The following RAB11FIP5 variants were observed in gnomAD, a reference collection of about 807,000 sequenced individuals.
RAB11FIP5 encodes the protein RAB11 family interacting protein 5.
RAB11FIP5 carries 48 observed loss-of-function variants against 85.1 expected under a neutral mutation model. The observed-to-expected ratio is 0.56, with a 90% CI of 0.45 to 0.72. The LOEUF is 0.72. RAB11FIP5 is among the 30% of genes least tolerant of loss of function. The probability of loss-of-function intolerance (pLI) is 0.00; values close to 1 mark genes in which losing one functional copy is unlikely to be tolerated. For synonymous variants in RAB11FIP5, 729 were observed against 727.3 expected, an observed-to-expected ratio of 1.00 and a Z score of -0.04; for missense variants, 1,491 against 1,687.0, an observed-to-expected ratio of 0.88 and a Z score of 2.04.
rs753248446 is a variant in RAB11FIP5 at position 73,075,891 on chromosome 2, T to C, written c.3771+102A>G. Reference sequence around the variant, plus strand: ...CCTAACTGGCTTCAGGACTCTGATATGGGGGACCTGGCCTGCTCCCTGCCC... The same window carrying C: ...CCTAACTGGCTTCAGGACTCTGATACGGGGGACCTGGCCTGCTCCCTGCCC... On this transcript the variant is annotated intron_variant, in intron 5 of 5. Transcript: ENST00000486777. The surrounding 1 kb of genome is among the most constrained non-coding windows in gnomAD (Gnocchi z 4.6). 4 of 1,475,998 alleles carry C rather than the reference T, an allele frequency of 2.7e-6. No individual in the cohort carries two copies. The highest frequency in any genetic ancestry group is 3.7e-6 in the Non-Finnish European group (4 of 1,084,646). 91.4% of individuals were successfully genotyped at this position (1,475,998 alleles called of 1,614,324 possible).
Position 73,074,044 on chromosome 2 carries a change from A to C in RAB11FIP5, c.*1477T>G, listed in dbSNP as rs1369989960. 2 of 152,226 alleles carry C rather than the reference A, an allele frequency of 1.3e-5. No individual in the cohort carries two copies. The highest frequency in any genetic ancestry group is 2.9e-5 in the Non-Finnish European group (2 of 68,052). 9.4% of individuals were successfully genotyped at this position (152,226 alleles called of 1,614,324 possible). A position where few individuals can be genotyped will look rare whatever the true frequency, so the allele number is the denominator to read the frequency against. ...AATTCAGGGTGCCCCAAGCTGCCAA[A>C]GTTCCCTGCAGATGCCTTGGGGAAG... On this transcript the variant is annotated 3_prime_UTR_variant, in exon 6 of 6. Coordinates refer to ENST00000486777, the MANE Select transcript of RAB11FIP5 (RefSeq NM_001371272.1).
chr2:73,109,423 T>C (rs1333856104), intron 1 of RAB11FIP5, among the ~76,000 whole-genome samples: 1 of 152,206 alleles, frequency 6.6e-6, no homozygotes, highest in Non-Finnish European at 1.5e-5. Context: ...TGGTGTCTTA[T>C]CTAATCTGTA....
At chr2:73,098,619 A>G (rs1382928065) in intron 1 of RAB11FIP5, among the ~76,000 whole-genome samples, 2 of 152,236 alleles carry the variant, frequency 1.3e-5, no homozygotes, top group East Asian at 3.9e-4. Context: ...GACCTTGACC[A>G]CTATACTATG....
chr2:73,103,601 C>A (rs1420641129), intron 1 of RAB11FIP5, among the ~76,000 whole-genome samples: 3 of 152,184 alleles, frequency 2.0e-5, no homozygotes, highest in African/African-American at 7.2e-5. Context: ...CCTCCTGAGA[C>A]CCCAGTCTCC....
In RAB11FIP5 at chr2:73,086,193, G is replaced by T. The variant is rs1434494382; in HGVS notation, c.1568+1857C>A. 3.9e-5 allele frequency among the ~76,000 whole-genome samples: 6 copies of T among 152,166 alleles called. No homozygotes were observed. Among genetic ancestry groups the T allele is most frequent in the African/African-American group, 1.4e-4 (6 of 41,428 alleles). ...ACAGCCCCTCCCACCCCATCTGCAT[G>T]CACGGCCACAGAGCCTGGCCCTGCA... is the stretch of plus-strand genomic sequence containing the variant. On this transcript the variant is annotated intron_variant, in intron 3 of 5. Transcript: ENST00000486777. The surrounding 1 kb of genome is among the most constrained non-coding windows in gnomAD (Gnocchi z 4.4).
In RAB11FIP5 at chr2:73,088,389, G is replaced by T; in HGVS notation, c.1229C>A (p.Ala410Asp). The T allele has an allele frequency of 6.2e-7, 1 of 1,613,766 alleles. No homozygotes were observed. The highest frequency in any genetic ancestry group is 8.5e-7 in the Non-Finnish European group (1 of 1,179,984). ...GCTGGCCCCAGGGGCCAGGACTTTA[G>T]CCTGAGCACTCAGCTCCTCCTGTCC... Reference protein sequence around the residue: ...VLGQEELSAQAKVLAPGASHP... With the variant: ...VLGQEELSAQDKVLAPGASHP... The change falls in exon 3 of 6, where the codon GCT (alanine) becomes GAT (aspartate). Residue 410 changes from alanine (A) to aspartate (D), a missense_variant. Physicochemically the swap from Ala to Asp is moderately radical, Grantham distance 126 (BLOSUM62 -2). Around this residue, in one of 3 missense-constraint regions of RAB11FIP5, gnomAD observed 1,211 missense variants for 1,338.0 expected, o/e 0.91. Coordinates refer to ENST00000486777, the MANE Select transcript of RAB11FIP5 (RefSeq NM_001371272.1).
chr2:73,081,802 G>A lies in RAB11FIP5; in HGVS notation c.1569-139C>T. 1.3e-6 allele frequency: 1 copy of A among 759,558 alleles called. No homozygotes were observed. The highest frequency in any genetic ancestry group is 1.8e-6 in the Non-Finnish European group (1 of 557,402). 47.1% of individuals were successfully genotyped at this position (759,558 alleles called of 1,614,324 possible). On this transcript the variant is annotated intron_variant, in intron 3 of 5. Transcript: ENST00000486777. This position sits in a 1 kb window ranked among gnomAD's most constrained non-coding sequence, Gnocchi z 4.2. The stretch of plus-strand genomic sequence containing the variant: ...GCTGGATTTACCTACTTGGGCCAGG[G>A]TACAGAGGGAAGACCCCAACATGTA...
intron 3 of RAB11FIP5, among the ~76,000 whole-genome samples, chr2:73,085,902 C>G (rs566518908): frequency 6.6e-6 from 1 of 152,270 alleles, no homozygotes; most frequent in South Asian, 2.1e-4. Context: ...GACCTGGGGA[C>G]AGGCTCCCCA....
At chr2:73,092,573 C>T (rs1305288175) in intron 1 of RAB11FIP5, among the ~76,000 whole-genome samples, 5 of 152,108 alleles carry the variant, frequency 3.3e-5, no homozygotes, top group African/African-American at 9.7e-5. Context: ...CAGAGGAAGG[C>T]GGGAGGCCGA....
At chr2:73,079,505 T>C in intron 4 of RAB11FIP5, 146 bp downstream of exon 4, 1 of 1,060,818 alleles carries the variant, frequency 9.4e-7, no homozygotes, top group Non-Finnish European at 1.2e-6. Context: ...CTTCAAAGCC[T>C]GTACCGTCTT....
chr2:73,110,617 A>G (rs931514352), intron 1 of RAB11FIP5, among the ~76,000 whole-genome samples: 10 of 152,228 alleles, frequency 6.6e-5, no homozygotes, highest in African/African-American at 2.2e-4. Flanking sequence ...TGGTAAGTCA[A>G]ATTCTCCAAG....
chr2:73,088,042 C>A lies in RAB11FIP5; in HGVS notation c.1568+8G>T. 1.3e-6 allele frequency: 2 copies of A among 1,579,368 alleles called. No individual in the cohort carries two copies. Among genetic ancestry groups the A allele is most frequent in the South Asian group, 1.2e-5 (1 of 84,468 alleles). On this transcript the variant is annotated splice_region_variant and intron_variant, in intron 3 of 5. Transcript: ENST00000486777. Reference sequence around the variant, plus strand: ...CAAGGAGCAAAGTTGGTCTTGCCAACGACTTACCTGGGTTTCTGAGTCGGG... The same window carrying A: ...CAAGGAGCAAAGTTGGTCTTGCCAAAGACTTACCTGGGTTTCTGAGTCGGG...
At chr2:73,092,432 A>G (rs1485851387) in intron 1 of RAB11FIP5, among the ~76,000 whole-genome samples, 1 of 152,152 alleles carries the variant, frequency 6.6e-6, no homozygotes, top group Admixed American at 6.5e-5. Context: ...TTTTTGTCCT[A>G]TTTGAATGTT....
At chr2:73,091,978 G>A (rs1684223736) in intron 1 of RAB11FIP5, among the ~76,000 whole-genome samples, 1 of 152,190 alleles carries the variant, frequency 6.6e-6, no homozygotes, top group South Asian at 2.1e-4. Flanking sequence ...GGGGAGGAGA[G>A]GCTAATTGAG....
Position 73,088,490 on chromosome 2 carries a change from G to A in RAB11FIP5, c.1128C>T (p.Ser376=), listed in dbSNP as rs759086154. 50 of 1,613,864 alleles carry A rather than the reference G, an allele frequency of 3.1e-5. No individual in the cohort carries two copies. The highest frequency in any genetic ancestry group is 3.3e-4 in the Middle Eastern group (2 of 6,084). The change falls in exon 3 of 6, where the codon TCC becomes TCT. Residue 376 remains serine, a synonymous_variant. Transcript: ENST00000486777. ...CATCTGTGGAACGAGGCCCCTCCTC[G>A]GAGAACCGGGAAGAGACAGCTTGCA... The part of the protein sequence containing the change: ...GSLQAVSSRF[S]EEGPRSTDDT...
chr2:73,094,248 T>C (rs1352325833), intron 1 of RAB11FIP5, among the ~76,000 whole-genome samples: 1 of 152,172 alleles, frequency 6.6e-6, no homozygotes, highest in Non-Finnish European at 1.5e-5. Flanking sequence ...ATCAAGGTTT[T>C]TTCTCCCTCT....
At chr2:73,090,101 CAT>C (rs1684181232) in intron 1 of RAB11FIP5, among the ~76,000 whole-genome samples, 1 of 152,170 alleles carries the variant, frequency 6.6e-6, no homozygotes, top group African/African-American at 2.4e-5. Context: ...TCCCAAAAAG[CAT>C]ATGAGGTAAG....
At position 73,080,055 on chromosome 2, in the gene RAB11FIP5, C is replaced by G; in HGVS notation, c.3177G>C (p.Lys1059Asn). The change falls in exon 4 of 6, where the codon AAG becomes AAC. Residue 1059 changes from lysine (K) to asparagine (N), a missense_variant. Coordinates refer to ENST00000486777, the MANE Select transcript of RAB11FIP5 (RefSeq NM_001371272.1). The stretch of plus-strand genomic sequence containing the variant: ...ACAAGAAGGGGTTCAAGGCATCTTC[C>G]TTGGAGACCCACACATCAGCCTGCT... ...TSQQADVWVSKEDALNPFLFQ... is the reference protein window; with the variant it reads ...TSQQADVWVSNEDALNPFLFQ... The G allele has an allele frequency of 8.1e-7, 1 of 1,232,168 alleles. No individual in the cohort carries two copies. The highest frequency in any genetic ancestry group is 1.0e-6 in the Non-Finnish European group (1 of 988,010). The allele number at this position is 1,232,168 out of a possible 1,614,324, so 76.3% of individuals were successfully genotyped here.
In RAB11FIP5 at chr2:73,089,192, C is replaced by G. The variant is rs1228106971; in HGVS notation, c.555G>C (p.Lys185Asn). The change falls in exon 2 of 6, where the codon AAG becomes AAC. Residue 185 changes from lysine to asparagine, a missense_variant. Physicochemically the swap from Lys to Asn is moderately conservative, Grantham distance 94 (BLOSUM62 0). Transcript: ENST00000486777. The surrounding 1 kb of genome is among the most constrained non-coding windows in gnomAD (Gnocchi z 4.6). ...TGATCTTGCTGAAGGGAGACCTTGG[C>G]TTGTCCTTCATGGACAGGTCAAACA... ...ASMFDLSMKDKPRSPFSKIRD... is the reference protein window; with the variant it reads ...ASMFDLSMKDNPRSPFSKIRD... The G allele has an allele frequency of 3.1e-6, 5 of 1,614,212 alleles. No individual in the cohort carries two copies. The highest frequency in any genetic ancestry group is 4.2e-6 in the Non-Finnish European group (5 of 1,180,020).
Sources: gnomAD v4.1 joint callset for allele counts (sites outside exome capture counted in the v4.1 genomes callset) on GRCh38, gnomAD v4.1.1 for gene constraint, gnomAD v4.1.1 regional missense constraint, Gnocchi (gnomAD v3.1) non-coding constraint, MANE v1.5 for transcripts, NCBI Gene and HGNC (gene_info 2026-07-23, HGNC 2026-07-21) for gene names.